Variants in CFAP47 observed in about 807,000 individuals in gnomAD.
CFAP47 encodes cilia and flagella associated protein 47, also known as cilia- and flagella-associated protein 47.
Under a neutral mutation model 148.1 loss-of-function variants are expected in CFAP47, and 29 were observed. The observed-to-expected ratio is 0.20, with a 90% confidence interval of 0.15 to 0.27. The LOEUF (loss-of-function observed/expected upper bound fraction) is 0.27, where lower values mean the gene tolerates loss of function less well. CFAP47 is among the 10% of genes least tolerant of loss of function. The pLI is 1.00. For synonymous variants in CFAP47, 664 were observed against 577.3 expected, an observed-to-expected ratio of 1.15 and a Z score of -2.15; for missense variants, 1,872 against 1,697.5, an observed-to-expected ratio of 1.10 and a Z score of -1.81.
intron 33 of CFAP47, among the ~76,000 whole-genome samples, chrX:36,110,327 A>G (rs1310498610): frequency 8.9e-6 from 1 of 111,794 alleles, no homozygotes; most frequent in Non-Finnish European, 1.9e-5. Context: ...AATCTTCTGC[A>G]TATGGTTAGC....
At chrX:36,185,503 A>T (rs1367968653) in intron 40 of CFAP47, among the ~76,000 whole-genome samples, 1 of 111,554 alleles carries the variant, frequency 9.0e-6, no homozygotes, top group African/African-American at 3.3e-5. Context: ...CTAGATTAGG[A>T]TTTCTTAACT....
At chrX:36,255,574 T>C (rs1287207289) in intron 49 of CFAP47, among the ~76,000 whole-genome samples, 1 of 110,663 alleles carries the variant, frequency 9.0e-6, no homozygotes, top group African/African-American at 3.3e-5. Flanking sequence ...AGCAAGGCAA[T>C]GCATAAAGAG....
At chrX:36,035,629 A>C (rs751290802) in intron 23 of CFAP47, 66 bp from the exon 24 acceptor site, 1 of 287,188 alleles carries the variant, frequency 3.5e-6, no homozygotes, top group East Asian at 4.9e-5. Context: ...AGATGGTAAT[A>C]CAACTAAACT....
chrX:36,073,610 A>C (rs1340797758), intron 29 of CFAP47, among the ~76,000 whole-genome samples: 1 of 110,786 alleles, frequency 9.0e-6, no homozygotes, highest in Non-Finnish European at 1.9e-5. Flanking sequence ...CAAGCACTGA[A>C]CATCTCTGAA....
At chrX:35,967,508 G>A in intron 9 of CFAP47, 111 bp from the exon 10 acceptor site, 2 of 486,831 alleles carry the variant, frequency 4.1e-6, no homozygotes, top group Non-Finnish European at 6.6e-6. Context: ...TTTAGGAGTT[G>A]AGCATTTAAG....
At chrX:36,070,019 A>G (rs143872569) in intron 27 of CFAP47, among the ~76,000 whole-genome samples, 1,803 of 111,681 alleles carry the variant, frequency 0.016, 43 homozygotes, top group African/African-American at 0.056. Flanking sequence ...ATCTACCACA[A>G]ATAATTTTAT....
intron 21 of CFAP47, among the ~76,000 whole-genome samples, chrX:36,003,513 A>G (rs904124167): frequency 4.5e-5 from 5 of 110,274 alleles, no homozygotes; most frequent in African/African-American, 1.6e-4. Flanking sequence ...TTTGTGAAGG[A>G]CTGAATTAAT....
intron 45 of CFAP47, among the ~76,000 whole-genome samples, chrX:36,210,523 G>A (rs1227798424): frequency 4.5e-5 from 5 of 111,682 alleles, no homozygotes; most frequent in East Asian, 2.8e-4. Context: ...ATGTCTATTC[G>A]GATTTTTTAC....
chrX:36,145,076 CGTGTGTGTGTGTGT>C, intron 35 of CFAP47, 129 bp from the exon 36 acceptor site: 1 of 295,764 alleles, frequency 3.4e-6, no homozygotes, highest in Non-Finnish European at 5.8e-6. Context: ...TATATATATG[CGTGTGTGTGTGTGT>C]GTGTGTGTGT....
chrX:36,230,328 T>A (rs1156581869), intron 46 of CFAP47, among the ~76,000 whole-genome samples: 14 of 108,195 alleles, frequency 1.3e-4, no homozygotes, highest in Non-Finnish European at 1.9e-4. Context: ...GGTATCTCAT[T>A]GTGGTTTTGA....
intron 33 of CFAP47, among the ~76,000 whole-genome samples, chrX:36,135,307 A>G (rs1308380658): frequency 9.0e-6 from 1 of 111,640 alleles, no homozygotes; most frequent in African/African-American, 3.3e-5. Flanking sequence ...TTTTTAAAAA[A>G]AGAATTGCTG....
At chrX:35,990,317 A>G (rs1482889626) in intron 16 of CFAP47, among the ~76,000 whole-genome samples, 1 of 111,514 alleles carries the variant, frequency 9.0e-6, no homozygotes, top group Non-Finnish European at 1.9e-5. Flanking sequence ...GGTCTGATAT[A>G]AAGAACACAT....
intron 22 of CFAP47, 148 bp downstream of exon 22, chrX:36,015,060 C>T (rs1190125740): frequency 1.6e-5 from 4 of 245,284 alleles, no homozygotes; most frequent in South Asian, 5.3e-4. Flanking sequence ...TTGTGTGTCA[C>T]TTAAATTGAG....
At chrX:36,232,398 C>T (rs1415837797) in intron 46 of CFAP47, among the ~76,000 whole-genome samples, 6 of 111,735 alleles carry the variant, frequency 5.4e-5, no homozygotes, top group Middle Eastern at 9.3e-3. Flanking sequence ...AGTTTATTTG[C>T]GTAGAGGTGT....
chrX:36,286,149 C>A (rs904361794), intron 51 of CFAP47, among the ~76,000 whole-genome samples: 1 of 110,635 alleles, frequency 9.0e-6, no homozygotes, highest in African/African-American at 3.3e-5. Flanking sequence ...CATTAATACT[C>A]GGAATAGATT....
In CFAP47 at chrX:36,151,389, CAT is replaced by C. The variant is rs775775824; in HGVS notation, c.5786+2168_5786+2169del. Among the ~76,000 whole-genome samples, 190 of 111,634 alleles carry C rather than the reference CAT, an allele frequency of 1.7e-3. 2 individuals carry two copies. The Middle Eastern group carries it at 0.019, about 11-fold the overall frequency. ...TACAGGCATTATATGTAAATATTAA[CAT>C]ACTTAATATTTATTCAACATTTGCT... On this transcript the variant is annotated intron_variant, in intron 37 of 63. Transcript: ENST00000378653.
chrX:36,074,772 G>A (rs1937816436), intron 29 of CFAP47, among the ~76,000 whole-genome samples: 1 of 110,904 alleles, frequency 9.0e-6, no homozygotes, highest in African/African-American at 3.3e-5. Flanking sequence ...TGTATCATTT[G>A]ACCAACATCT....
chrX:36,331,059 A>G (rs1307525026), intron 57 of CFAP47, among the ~76,000 whole-genome samples: 1 of 111,603 alleles, frequency 9.0e-6, no homozygotes, highest in South Asian at 3.7e-4. Context: ...AACTGTCTGT[A>G]CTTCTTTACC....
In CFAP47 at chrX:35,989,584, T is replaced by C. The variant is rs774321156; in HGVS notation, c.2844+135T>C. 7.0e-6 allele frequency: 8 copies of C among 1,148,798 alleles called. No individual in the cohort carries two copies. The South Asian group carries it at 1.3e-4, about 18-fold the overall frequency. 94.7% of individuals were successfully genotyped at this position (1,148,798 alleles called of 1,213,427 possible). On this transcript the variant is annotated intron_variant, in intron 16 of 63. Coordinates refer to ENST00000378653, the MANE Select transcript of CFAP47 (RefSeq NM_001304548.2). ...TTTCATGCAACAGTACTAGTTTTTT[T>C]GTTAGAGCCTCTATAAATATGTAAT... is the stretch of plus-strand genomic sequence containing the variant.
Sources: allele counts gnomAD v4.1 joint callset (sites outside exome capture counted in the v4.1 genomes callset), GRCh38; gene constraint gnomAD v4.1.1; transcripts MANE v1.5; gene names NCBI Gene and HGNC (gene_info 2026-07-23, HGNC 2026-07-21).